COL11A2: variants seen among roughly 807,000 people sequenced by gnomAD.
The protein encoded by COL11A2 is collagen type XI alpha 2 chain.
In COL11A2, 116 loss-of-function variants were observed where a neutral mutation model predicts 273.4. That is an observed-to-expected ratio of 0.42 (90% CI 0.36 to 0.49). COL11A2 has a LOEUF of 0.49. Ranked by LOEUF, COL11A2 falls within the 20% of genes least tolerant of loss-of-function variation. COL11A2 has a pLI of 0.00. For synonymous variants in COL11A2, 782 were observed against 864.2 expected (o/e 0.90, Z 1.67); for missense variants, 1,866 against 2,309.0 (o/e 0.81, Z 3.93).
Position 33,177,827 on chromosome 6 carries a change from A to C in COL11A2, c.1873-121T>G. On this transcript the variant is annotated intron_variant, in intron 21 of 65. Coordinates refer to ENST00000341947, the MANE Select transcript of COL11A2 (RefSeq NM_080680.3). This position sits in a 1 kb window ranked among gnomAD's most constrained non-coding sequence, Gnocchi z 5.9. ...CCTCCAATCCATCCCAAACCCAAGC[A>C]AACACAGCTGGCCCAGGCCTGCAGT... is the stretch of plus-strand genomic sequence containing the variant. 1 of 1,120,256 alleles carries C rather than the reference A, an allele frequency of 8.9e-7. No individual in the cohort carries two copies. The highest frequency in any genetic ancestry group is 1.3e-6 in the Non-Finnish European group (1 of 749,218). The allele number at this position is 1,120,256 out of a possible 1,614,324, so 69.4% of individuals were successfully genotyped here.
chr6:33,177,760 G>GT lies in COL11A2; in HGVS notation c.1873-55dup, dbSNP rs369200273. ...TGAAGGTGGCCCGGAGGGACCTGTG[G>GT]TTTTCAGAGGCCCGGCCATTCCCGA... is the stretch of plus-strand genomic sequence containing the variant. On this transcript the variant is annotated intron_variant, in intron 21 of 65. Coordinates refer to ENST00000341947, the MANE Select transcript of COL11A2 (RefSeq NM_080680.3). The surrounding 1 kb of genome is among the most constrained non-coding windows in gnomAD (Gnocchi z 5.9). The GT allele has an allele frequency of 1.1e-5, 17 of 1,597,548 alleles. No homozygotes were observed. Among genetic ancestry groups the GT allele is most frequent in the Middle Eastern group, 1.7e-4 (1 of 6,036 alleles).
At chr6:33,174,120 C>T in intron 32 of COL11A2, 45 bp downstream of exon 32, 2 of 1,609,476 alleles carry the variant, frequency 1.2e-6, no homozygotes, top group Non-Finnish European at 1.7e-6. Context: ...CCCTCTACAC[C>T]TCTCCAGCCC....
At chr6:33,193,258 G>C (rs545266963), upstream of COL11A2, among the ~76,000 whole-genome samples, 320 of 151,990 alleles carry the variant, frequency 2.1e-3, no homozygotes, top group Non-Finnish European at 3.1e-3. Context: ...GCACGGCGCC[G>C]GGTCTGCCCG....
Position 33,167,894 on chromosome 6 carries a change from C to T in COL11A2, c.3961-42G>A. 1.9e-6 allele frequency: 3 copies of T among 1,607,402 alleles called. No individual in the cohort carries two copies. Among genetic ancestry groups the T allele is most frequent in the South Asian group, 1.1e-5 (1 of 90,302 alleles). ...AAGGAAGAGCACATGAGGCCGTGGG[C>T]AGCCAGGCTCAACTCTTCCCCCTTC... On this transcript the variant is annotated intron_variant, in intron 54 of 65. Coordinates refer to ENST00000341947, the MANE Select transcript of COL11A2 (RefSeq NM_080680.3). The surrounding 1 kb of genome is among the most constrained non-coding windows in gnomAD (Gnocchi z 6.1).
At position 33,178,824 on chromosome 6, in the gene COL11A2, T is replaced by C. The variant is rs555955775; in HGVS notation, c.1666-92A>G. On this transcript the variant is annotated intron_variant, in intron 17 of 65. Transcript: ENST00000341947. The surrounding 1 kb of genome is among the most constrained non-coding windows in gnomAD (Gnocchi z 4.6). ...CCCTGAGCTGGGGGGGTGCTGATCCTGGGGAAGCCTGGAGAACTAGGTCAT... is the reference window on the plus strand; with the variant it reads ...CCCTGAGCTGGGGGGGTGCTGATCCCGGGGAAGCCTGGAGAACTAGGTCAT... 4.0e-5 allele frequency: 65 copies of C among 1,607,348 alleles called. No homozygotes were observed. The African/African-American group carries it at 6.0e-4, about 15-fold the overall frequency.
upstream of COL11A2, among the ~76,000 whole-genome samples, chr6:33,193,429 CT>C (rs1344190141): frequency 2.6e-3 from 381 of 145,550 alleles, 1 homozygote; most frequent in African/African-American, 9.0e-3. Flanking sequence ...CTCTCCCCCC[CT>C]CCCCGACAAA....
chr6:33,175,992 G>A, intron 29 of COL11A2, 24 bp downstream of exon 29: 1 of 1,612,752 alleles, frequency 6.2e-7, no homozygotes, highest in Non-Finnish European at 8.5e-7. Flanking sequence ...ACGGAATTGG[G>A]GCCAGTGTGG....
Position 33,170,134 on chromosome 6 carries a change from A to T in COL11A2, c.3583-34T>A, listed in dbSNP as rs1176266894. ...GGAACAGAAATAGGTGTCATTGCTT[A>T]GGATGGAGGTGCCATTTCAGGGGCA... is the stretch of plus-strand genomic sequence containing the variant. On this transcript the variant is annotated intron_variant, in intron 48 of 65. Coordinates refer to ENST00000341947, the MANE Select transcript of COL11A2 (RefSeq NM_080680.3). The surrounding 1 kb of genome is among the most constrained non-coding windows in gnomAD (Gnocchi z 4.3). 3.7e-6 allele frequency: 6 copies of T among 1,612,770 alleles called. No individual in the cohort carries two copies.
chr6:33,165,028 C>T lies in COL11A2; in HGVS notation c.4751-64G>A. The stretch of plus-strand genomic sequence containing the variant: ...GTCCAGGCTCCAAGATGCTCTTTGC[C>T]CCCACATTCCCTCTTCCCTCCCAGC... On this transcript the variant is annotated intron_variant, in intron 63 of 65. Transcript: ENST00000341947. The surrounding 1 kb of genome is among the most constrained non-coding windows in gnomAD (Gnocchi z 7.7). The T allele has an allele frequency of 1.6e-6, 2 of 1,242,606 alleles. No individual in the cohort carries two copies. Among genetic ancestry groups the T allele is most frequent in the South Asian group, 1.3e-5 (1 of 77,278 alleles). 77.0% of individuals were successfully genotyped at this position (1,242,606 alleles called of 1,614,324 possible).
chr6:33,174,189 A>T lies in COL11A2; in HGVS notation c.2460T>A (p.Gly820=). ...KGSLGFPGFP[G]ASGEKGARGL... The stretch of plus-strand genomic sequence containing the variant: ...CCCGGGCTCCCTTCTCTCCACTGGC[A>T]CCAGGAAAGCCAGGAAATCCTAGGG... Residue 820 remains glycine, a synonymous_variant, in exon 32 of 66, where the codon GGT becomes GGA. Coordinates refer to ENST00000341947, the MANE Select transcript of COL11A2 (RefSeq NM_080680.3). 1 of 1,579,458 alleles carries T rather than the reference A, an allele frequency of 6.3e-7. No individual in the cohort carries two copies. Among genetic ancestry groups the T allele is most frequent in the South Asian group, 1.2e-5 (1 of 86,882 alleles).
At chr6:33,192,535 G>A (rs1321509457), upstream of COL11A2, 3 of 449,202 alleles carry the variant, frequency 6.7e-6, no homozygotes, top group Non-Finnish European at 1.1e-5. Flanking sequence ...CCCGCCTCCA[G>A]CCGCCCGCCC....
intron 6 of COL11A2, 87 bp downstream of exon 6, chr6:33,185,614 A>T (rs760667718): frequency 5.3e-5 from 29 of 551,588 alleles, no homozygotes; most frequent in Non-Finnish European, 8.6e-5. Context: ...TCCCCACGGC[A>T]TGGGGGAGGG....
intron 6 of COL11A2, 34 bp from the exon 7 acceptor site, chr6:33,185,088 G>T (rs116165521): frequency 6.7e-7 from 1 of 1,489,650 alleles, no homozygotes; most frequent in Non-Finnish European, 9.2e-7. Context: ...AGAGTAGCAC[G>T]GGGTGGGAAG....
intron 5 of COL11A2, 91 bp from the exon 6 acceptor site, chr6:33,185,869 G>T: frequency 2.1e-6 from 1 of 474,700 alleles, no homozygotes. Flanking sequence ...TAAAGATGGT[G>T]TGGGAGTTGG....
At chr6:33,188,826 C>G (rs1372703421) in intron 3 of COL11A2, 152 bp downstream of exon 3, 32 of 965,516 alleles carry the variant, frequency 3.3e-5, no homozygotes, top group Non-Finnish European at 1.7e-6. Context: ...AAAGCCCAAA[C>G]TCTGGACTAG....
Position 33,189,537 on chromosome 6 carries a change from G to C in COL11A2, c.83-68C>G, listed in dbSNP as rs1772861818. The C allele has an allele frequency of 6.3e-7, 1 of 1,597,352 alleles. No individual in the cohort carries two copies. The highest frequency in any genetic ancestry group is 1.1e-5 in the South Asian group (1 of 89,892). On this transcript the variant is annotated intron_variant, in intron 1 of 65. Coordinates refer to ENST00000341947, the MANE Select transcript of COL11A2 (RefSeq NM_080680.3). This position sits in a 1 kb window ranked among gnomAD's most constrained non-coding sequence, Gnocchi z 5.6. Reference sequence around the variant, plus strand: ...GGAGGGCATAAATAGGGGACATTTGGGATCTAGAACTCAGCTTTCCAGGGC... The same window carrying C: ...GGAGGGCATAAATAGGGGACATTTGCGATCTAGAACTCAGCTTTCCAGGGC...
At position 33,169,448 on chromosome 6, in the gene COL11A2, G is replaced by A; in HGVS notation, c.3733C>T (p.Pro1245Ser). 1 of 1,612,938 alleles carries A rather than the reference G, an allele frequency of 6.2e-7. No homozygotes were observed. The highest frequency in any genetic ancestry group is 8.5e-7 in the Non-Finnish European group (1 of 1,180,028). The change falls in exon 51 of 66, where the codon CCA (proline) becomes TCA (serine). Residue 1245 changes from proline (P) to serine (S), a missense_variant. Physicochemically the swap from Pro to Ser is moderately conservative, Grantham distance 74. Transcript: ENST00000341947. This position sits in a 1 kb window ranked among gnomAD's most constrained non-coding sequence, Gnocchi z 5.5. ...GGCCCTGGTGGCCCTGGCTCTCCTG[G>A]CTGCCCCGACTCTCCTTTCTCTCCA... ...ERGEKGESGQ[P>S]GEPGPPGPKG...
Position 33,181,121 on chromosome 6 carries a change from A to G in COL11A2, c.1169T>C (p.Val390Ala). The G allele has an allele frequency of 6.2e-7, 1 of 1,614,062 alleles. No individual in the cohort carries two copies. Among genetic ancestry groups the G allele is most frequent in the Non-Finnish European group, 8.5e-7 (1 of 1,179,980 alleles). ...ACCAGCATAACTTACAGGTTCCAACACTGCAGGCTCTCCTTTCTCTCCCTT... is the reference window on the plus strand; with the variant it reads ...ACCAGCATAACTTACAGGTTCCAACGCTGCAGGCTCTCCTTTCTCTCCCTT... Reference protein sequence around the residue: ...GLKGEKGEPAVLEPGMLVEGP... With the variant: ...GLKGEKGEPAALEPGMLVEGP... The change falls in exon 9 of 66, where the codon GTG becomes GCG. Residue 390 changes from valine (V) to alanine (A), a missense_variant. Physicochemically the swap from Val to Ala is moderately conservative, Grantham distance 64. Coordinates refer to ENST00000341947, the MANE Select transcript of COL11A2 (RefSeq NM_080680.3).
intron 45 of COL11A2, 55 bp downstream of exon 45, chr6:33,171,059 C>G (rs1689503811): frequency 1.3e-6 from 2 of 1,576,634 alleles, no homozygotes; most frequent in Non-Finnish European, 1.7e-6. Context: ...CAGAGGGGAG[C>G]TGAGGGAGGA....
Sources: allele counts gnomAD v4.1 joint callset (sites outside exome capture counted in the v4.1 genomes callset), GRCh38; gene constraint gnomAD v4.1.1; non-coding constraint Gnocchi (gnomAD v3.1); transcripts MANE v1.5; gene names NCBI Gene and HGNC (gene_info 2026-07-23, HGNC 2026-07-21).